The following CNTNAP2 variants were observed in gnomAD, a reference collection of about 807,000 sequenced individuals.
The protein encoded by CNTNAP2 is contactin associated protein 2, also known as contactin-associated protein-like 2.
A neutral mutation model predicts 155.2 loss-of-function variants in CNTNAP2; 98 were observed. The ratio of observed to expected loss-of-function variants is 0.63; its 90% CI spans 0.54 to 0.75. The LOEUF is 0.75. CNTNAP2 is among the 30% of genes least tolerant of loss of function. CNTNAP2 has a pLI of 0.00. For synonymous variants in CNTNAP2, 651 were observed against 631.2 expected (o/e 1.03, Z -0.47); for missense variants, 1,727 against 1,688.1 (o/e 1.02, Z -0.40).
chr7:147,209,110 T>G (rs1803082873), intron 8 of CNTNAP2, among the ~76,000 whole-genome samples: 1 of 152,080 alleles, frequency 6.6e-6, no homozygotes, highest in South Asian at 2.1e-4. Flanking sequence ...AATTGTTTTC[T>G]AATTCTGTGA....
intron 1 of CNTNAP2, among the ~76,000 whole-genome samples, chr7:146,711,665 A>G (rs1213619790): frequency 1.3e-5 from 2 of 148,760 alleles, no homozygotes; most frequent in Non-Finnish European, 3.0e-5. Flanking sequence ...CACTGAAGCT[A>G]TTTCGTATAT....
chr7:146,592,008 C>T (rs1798790329), intron 1 of CNTNAP2, among the ~76,000 whole-genome samples: 1 of 152,162 alleles, frequency 6.6e-6, no homozygotes, highest in Non-Finnish European at 1.5e-5. Context: ...AGTCATTTTT[C>T]ATTTCCTCTG....
chr7:147,460,374 G>A (rs1418604994), intron 10 of CNTNAP2, among the ~76,000 whole-genome samples: 1 of 152,074 alleles, frequency 6.6e-6, no homozygotes, highest in South Asian at 2.1e-4. Flanking sequence ...TGTGTAAAAG[G>A]CATCTCTTCC....
chr7:147,198,927 A>G (rs1802863679), intron 8 of CNTNAP2, among the ~76,000 whole-genome samples: 1 of 138,320 alleles, frequency 7.2e-6, no homozygotes, highest in African/African-American at 2.7e-5. Flanking sequence ...GGCCTGGAAT[A>G]TTGCCCTCTA....
chr7:147,524,252 T>G (rs1258977446), intron 11 of CNTNAP2, among the ~76,000 whole-genome samples: 1 of 152,126 alleles, frequency 6.6e-6, no homozygotes, highest in Non-Finnish European at 1.5e-5. Flanking sequence ...TAGCCGGGCA[T>G]GGTGGTGCCT....
intron 1 of CNTNAP2, among the ~76,000 whole-genome samples, chr7:146,426,535 T>A (rs1034775743): frequency 4.0e-5 from 6 of 150,480 alleles, no homozygotes; most frequent in Non-Finnish European, 7.4e-5. Context: ...TAAAACATTT[T>A]AAAAAATTTA....
intron 10 of CNTNAP2, among the ~76,000 whole-genome samples, chr7:147,414,031 T>C (rs1040097788): frequency 9.2e-5 from 14 of 152,368 alleles, no homozygotes; most frequent in African/African-American, 3.4e-4. Flanking sequence ...TATGTACTTC[T>C]GTTTCTCACT....
chr7:146,288,919 C>T (rs1228938827), intron 1 of CNTNAP2, among the ~76,000 whole-genome samples: 1 of 150,254 alleles, frequency 6.7e-6, no homozygotes, highest in Non-Finnish European at 1.5e-5. Context: ...ATTCTCCTGC[C>T]TCAGCCTCTG....
chr7:147,124,876 CTTTTTTT>C (rs371912854), intron 6 of CNTNAP2, among the ~76,000 whole-genome samples: 1 of 80,070 alleles, frequency 1.2e-5, no homozygotes, highest in Non-Finnish European at 2.1e-5. Context: ...CCTTTTTTTC[CTTTTTTT>C]TTTTTTTTTT....
intron 1 of CNTNAP2, among the ~76,000 whole-genome samples, chr7:146,322,371 C>G (rs1801019101): frequency 6.6e-6 from 1 of 152,100 alleles, no homozygotes; most frequent in Non-Finnish European, 1.5e-5. Context: ...CTCAGCTGGT[C>G]CATTAAAAAT....
chr7:147,996,069 C>T (rs1262676657), intron 15 of CNTNAP2, among the ~76,000 whole-genome samples: 1 of 152,184 alleles, frequency 6.6e-6, no homozygotes, highest in Non-Finnish European at 1.5e-5. Context: ...TACGTGCTAG[C>T]GAAAGCACAA....
intron 1 of CNTNAP2, among the ~76,000 whole-genome samples, chr7:146,367,107 G>A (rs1224057296): frequency 6.6e-6 from 1 of 152,148 alleles, no homozygotes; most frequent in Non-Finnish European, 1.5e-5. Flanking sequence ...AAGTTTTCAA[G>A]GAGAGTGCAT....
rs17170607 is a variant in CNTNAP2 at position 147,577,926 on chromosome 7, T to C, written c.1897+15669T>C. On this transcript the variant is annotated intron_variant, in intron 12 of 23. Transcript: ENST00000361727. The stretch of plus-strand genomic sequence containing the variant: ...GATTCTATTTATTAAGTATCCAGTA[T>C]TTCCATACACAGTATTCATTTTTAA... 1.7e-3 allele frequency among the ~76,000 whole-genome samples: 252 copies of C among 152,192 alleles called. 1 individual carries two copies. Among genetic ancestry groups the C allele is most frequent in the African/African-American group, 5.8e-3 (239 of 41,560 alleles).
intron 1 of CNTNAP2, among the ~76,000 whole-genome samples, chr7:146,662,659 C>A: frequency 7.6e-6 from 1 of 132,378 alleles, no homozygotes; most frequent in African/African-American, 2.6e-5. Flanking sequence ...ATTTTTTATG[C>A]CATATAAAAT....
chr7:147,801,523 T>C lies in CNTNAP2; in HGVS notation c.2099-102042T>C, dbSNP rs377720852. 4.6e-4 allele frequency among the ~76,000 whole-genome samples: 70 copies of C among 151,724 alleles called. No homozygotes were observed. In the South Asian group the frequency reaches 0.011, roughly 25 times the overall value. ...ACTTGAGATTAGGGAGTGGTGATGA[T>C]TCTTAACGAGCATGCTGCCTTCAAG... On this transcript the variant is annotated intron_variant, in intron 13 of 23. Coordinates refer to ENST00000361727, the MANE Select transcript of CNTNAP2 (RefSeq NM_014141.6).
At chr7:148,317,107 G>C (rs1291703537) in intron 21 of CNTNAP2, among the ~76,000 whole-genome samples, 2 of 152,204 alleles carry the variant, frequency 1.3e-5, no homozygotes, top group African/African-American at 4.8e-5. Context: ...TGTAATCCCA[G>C]CACTTTGGGA....
At chr7:147,353,323 G>A (rs10257796) in intron 9 of CNTNAP2, among the ~76,000 whole-genome samples, 13 of 151,724 alleles carry the variant, frequency 8.6e-5, no homozygotes, top group African/African-American at 3.2e-4. Flanking sequence ...ACAGGCCCCA[G>A]TATGTGATGT....
At chr7:147,169,870 AT>A (rs1197289578) in intron 8 of CNTNAP2, among the ~76,000 whole-genome samples, 1 of 152,082 alleles carries the variant, frequency 6.6e-6, no homozygotes, top group Admixed American at 6.5e-5. Context: ...CTTGAATTGA[AT>A]TTCAACGTTT....
At chr7:146,516,830 A>G (rs755474477) in intron 1 of CNTNAP2, among the ~76,000 whole-genome samples, 2 of 151,972 alleles carry the variant, frequency 1.3e-5, no homozygotes, top group African/African-American at 4.8e-5. Context: ...TTGGCTATAA[A>G]TGAAATTCAA....
Sources: allele counts gnomAD v4.1 joint callset (sites outside exome capture counted in the v4.1 genomes callset), GRCh38; gene constraint gnomAD v4.1.1; transcripts MANE v1.5; gene names NCBI Gene and HGNC (gene_info 2026-07-23, HGNC 2026-07-21).